The following HORMAD1 variants were observed in gnomAD, a reference collection of about 807,000 sequenced individuals.
HORMAD1 encodes HORMA domain containing 1.
Under a neutral mutation model 58.2 loss-of-function variants are expected in HORMAD1, and 33 were observed. The ratio of observed to expected loss-of-function variants is 0.57; its 90% CI spans 0.43 to 0.76. HORMAD1 has a LOEUF of 0.76. HORMAD1 is among the 30% of genes least tolerant of loss of function. HORMAD1 has a pLI of 0.00. For synonymous variants in HORMAD1, 137 were observed against 144.6 expected (o/e 0.95, Z 0.38); for missense variants, 363 against 462.0 (o/e 0.79, Z 1.96).
chr1:150,715,150 AAGT>A (rs1571077171), intron 3 of HORMAD1, among the ~76,000 whole-genome samples: 1 of 152,164 alleles, frequency 6.6e-6, no homozygotes, highest in South Asian at 2.1e-4. Flanking sequence ...GGTTATATGA[AAGT>A]AGTATTTTAA....
chr1:150,706,252 G>A (rs1191770381), intron 10 of HORMAD1, among the ~76,000 whole-genome samples: 1 of 152,168 alleles, frequency 6.6e-6, no homozygotes, highest in Non-Finnish European at 1.5e-5. Flanking sequence ...TTATGCCCTA[G>A]AGTCCTAGGG....
At chr1:150,711,887 T>C in intron 5 of HORMAD1, 34 bp from the exon 6 acceptor site, 2 of 1,427,020 alleles carry the variant, frequency 1.4e-6, no homozygotes, top group Non-Finnish European at 2.0e-6. Context: ...ATCTTACTTG[T>C]AGTCTATAAA....
At chr1:150,700,806 A>G (rs1184719709) in intron 13 of HORMAD1, among the ~76,000 whole-genome samples, 1 of 152,072 alleles carries the variant, frequency 6.6e-6, no homozygotes, top group Non-Finnish European at 1.5e-5. Flanking sequence ...CATTTTTTTT[A>G]TGGCTGATAT....
rs1486129219 is a variant in HORMAD1, at chr1:150,698,278, A to G, written c.*376T>C. 1.3e-5 allele frequency: 2 copies of G among 154,230 alleles called. No individual in the cohort carries two copies. Among genetic ancestry groups the G allele is most frequent in the African/African-American group, 4.8e-5 (2 of 41,524 alleles). 9.6% of individuals were successfully genotyped at this position (154,230 alleles called of 1,614,324 possible). ...GCCAGTTAAATGGTATAATTTTAAC[A>G]TAAGTAAAAAGTGAATCCATACCAA... On this transcript the variant is annotated 3_prime_UTR_variant, in exon 15 of 15. Transcript: ENST00000361824.
chr1:150,708,265 A>T lies in HORMAD1; in HGVS notation c.538T>A (p.Tyr180Asn). 1 of 1,603,532 alleles carries T rather than the reference A, an allele frequency of 6.2e-7. No individual in the cohort carries two copies. The highest frequency in any genetic ancestry group is 8.5e-7 in the Non-Finnish European group (1 of 1,175,228). The stretch of plus-strand genomic sequence containing the variant: ...GTATTGCAAATAGTACCTTCATCAT[A>T]GTAAAAAAGTTTCATGGTCAAACAA... ...DVCLTMKLFY[Y>N]DEVTPPDYQP... Residue 180 changes from tyrosine (Y) to asparagine (N), a missense_variant, in exon 9 of 15, where the codon TAT becomes AAT. This residue lies in a region of HORMAD1 where 226 missense variants were observed against 257.8 expected (regional missense o/e 0.88). Coordinates refer to ENST00000361824, the MANE Select transcript of HORMAD1 (RefSeq NM_032132.5).
At chr1:150,713,590 T>G (rs143276535) in intron 5 of HORMAD1, 1 of 154,472 alleles carries the variant, frequency 6.5e-6, no homozygotes, top group Non-Finnish European at 1.4e-5. Flanking sequence ...GACTTCATTA[T>G]GCAAGTTGGT....
At chr1:150,714,932 C>T (rs1057453516) in intron 3 of HORMAD1, among the ~76,000 whole-genome samples, 6 of 151,840 alleles carry the variant, frequency 4.0e-5, no homozygotes, top group Non-Finnish European at 7.4e-5. Flanking sequence ...ACTTCAGGTG[C>T]GCCACCATGA....
chr1:150,706,470 G>A (rs1368366031), intron 10 of HORMAD1, 83 bp downstream of exon 10: 8 of 1,135,702 alleles, frequency 7.0e-6, no homozygotes, highest in Non-Finnish European at 8.8e-6. Flanking sequence ...TTACACAAAT[G>A]TTAATGGGAG....
At chr1:150,720,359 C>A (rs1043971211) in intron 1 of HORMAD1, among the ~76,000 whole-genome samples, 1 of 152,164 alleles carries the variant, frequency 6.6e-6, no homozygotes, top group African/African-American at 2.4e-5. Flanking sequence ...CCGTGCCCGG[C>A]CGCTAATTTT....
chr1:150,699,147 T>C (rs1040887185), intron 14 of HORMAD1, among the ~76,000 whole-genome samples: 6 of 152,234 alleles, frequency 3.9e-5, no homozygotes, highest in African/African-American at 1.4e-4. Context: ...CATTTGAGTT[T>C]TAAAAATAGT....
At chr1:150,718,763 T>TA (rs1652165979) in intron 2 of HORMAD1, among the ~76,000 whole-genome samples, 1 of 152,134 alleles carries the variant, frequency 6.6e-6, no homozygotes, top group East Asian at 1.9e-4. Flanking sequence ...TAGCTGAGAC[T>TA]ACAGGCGTGA....
At chr1:150,713,841 T>C in intron 5 of HORMAD1, 1 of 443,174 alleles carries the variant, frequency 2.3e-6, no homozygotes, top group Non-Finnish European at 4.0e-6. Context: ...AGTTAACACG[T>C]GTTATTAATA....
intron 12 of HORMAD1, among the ~76,000 whole-genome samples, chr1:150,703,908 T>C (rs1301752500): frequency 6.6e-6 from 1 of 152,238 alleles, no homozygotes; most frequent in East Asian, 1.9e-4. Flanking sequence ...CTACCAATAG[T>C]ATTTAGGTTT....
chr1:150,719,596 G>C lies in HORMAD1; in HGVS notation c.-33-58C>G. On this transcript the variant is annotated intron_variant, in intron 1 of 14. Transcript: ENST00000361824. Reference sequence around the variant, plus strand: ...CTCATTTTTTTCCTCTAACATTTCAGTTTACCACATATAAAATTCAAAACA... The same window carrying C: ...CTCATTTTTTTCCTCTAACATTTCACTTTACCACATATAAAATTCAAAACA... 5.2e-6 allele frequency: 4 copies of C among 763,254 alleles called. No individual in the cohort carries two copies. In the South Asian group the frequency reaches 7.9e-5, roughly 15 times the overall value. 47.3% of individuals were successfully genotyped at this position (763,254 alleles called of 1,614,324 possible).
At chr1:150,703,209 CTTAGTAAATACTGG>C (rs1261634021) in intron 13 of HORMAD1, 87 bp downstream of exon 13, 1 of 683,334 alleles carries the variant, frequency 1.5e-6, no homozygotes, top group Non-Finnish European at 2.6e-6. Flanking sequence ...ATAATAGGTA[CTTAGTAAATACTGG>C]TTTAATAAAC....
chr1:150,713,527 C>T (rs1343306129), intron 5 of HORMAD1, among the ~76,000 whole-genome samples: 1 of 151,686 alleles, frequency 6.6e-6, no homozygotes, highest in Non-Finnish European at 1.5e-5. Flanking sequence ...CAGAGCAAGA[C>T]TCCATCTCAA....
At position 150,719,529 on chromosome 1, in the gene HORMAD1, T is replaced by C; in HGVS notation, c.-24A>G. 1 of 1,558,556 alleles carries C rather than the reference T, an allele frequency of 6.4e-7. No individual in the cohort carries two copies. The highest frequency in any genetic ancestry group is 8.7e-7 in the Non-Finnish European group (1 of 1,145,856). On this transcript the variant is annotated 5_prime_UTR_variant, in exon 2 of 15. The change abolishes the stop of an existing upstream ORF in the 5' untranslated region. Transcript: ENST00000361824. ...ATCTTCTTCTGATAAAGTATTTTCT[T>C]TAATTCAACCTTGTGACACAAATAC... is the stretch of plus-strand genomic sequence containing the variant.
At chr1:150,709,813 T>C (rs1342231765) in intron 7 of HORMAD1, among the ~76,000 whole-genome samples, 1 of 152,202 alleles carries the variant, frequency 6.6e-6, no homozygotes, top group African/African-American at 2.4e-5. Flanking sequence ...AGGCGAGACA[T>C]GTTTGCAGCA....
intron 7 of HORMAD1, among the ~76,000 whole-genome samples, chr1:150,710,051 C>CA (rs1459025354): frequency 1.3e-5 from 2 of 152,160 alleles, no homozygotes; most frequent in Non-Finnish European, 1.5e-5. Context: ...TGAGGGAACT[C>CA]AGAGACCGGC....
Sources: gnomAD v4.1 joint callset for allele counts (sites outside exome capture counted in the v4.1 genomes callset) on GRCh38, gnomAD v4.1.1 for gene constraint, gnomAD v4.1.1 regional missense constraint, MANE v1.5 for transcripts, NCBI Gene and HGNC (gene_info 2026-07-23, HGNC 2026-07-21) for gene names.